The following RAPGEF5 variants were observed in gnomAD, a reference collection of about 807,000 sequenced individuals.
RAPGEF5 encodes Rap guanine nucleotide exchange factor 5, also known as M-Ras-regulated GEF.
A neutral mutation model predicts 125.2 loss-of-function variants in RAPGEF5; 65 were observed. The ratio of observed to expected loss-of-function variants is 0.52; its 90% CI spans 0.43 to 0.64. The LOEUF is 0.64. Among genes scored for constraint, RAPGEF5 ranks in the 30% least tolerant of loss-of-function variants. The pLI, the probability that RAPGEF5 is intolerant of heterozygous loss-of-function variation, is 0.00. For synonymous variants in RAPGEF5, 391 were observed against 385.9 expected (o/e 1.01, Z -0.16); for missense variants, 958 against 1,048.1 (o/e 0.91, Z 1.19).
chr7:22,219,939 A>G lies in RAPGEF5; in HGVS notation c.923T>C (p.Leu308Pro), dbSNP rs756393171. 6.2e-7 allele frequency: 1 copy of G among 1,613,634 alleles called. No individual in the cohort carries two copies. The highest frequency in any genetic ancestry group is 2.2e-5 in the East Asian group (1 of 44,838). ...QERDEIGRIELVQKLAKENYQ... is the reference protein window; with the variant it reads ...QERDEIGRIEPVQKLAKENYQ... ...GTTTTCTTTTGCCAGCTTCTGGACT[A>G]GTTCAATTCGTCCGATTTCATCTCT... The change falls in exon 9 of 26, where the codon CTA (leucine) becomes CCA (proline). Residue 308 changes from leucine (L) to proline (P), a missense_variant. Coordinates refer to ENST00000665637, the MANE Select transcript of RAPGEF5 (RefSeq NM_012294.5).
At chr7:22,355,868 A>G in intron 1 of RAPGEF5, 1 of 800,838 alleles carries the variant, frequency 1.2e-6, no homozygotes, top group Non-Finnish European at 1.5e-6. Context: ...TAAGTCAGAC[A>G]AGACTGCATT....
At chr7:22,194,292 T>C (rs1785094851) in intron 9 of RAPGEF5, among the ~76,000 whole-genome samples, 1 of 152,020 alleles carries the variant, frequency 6.6e-6, no homozygotes, top group Admixed American at 6.6e-5. Context: ...AAAGTGGAGG[T>C]GGAATTCAGA....
intron 1 of RAPGEF5, among the ~76,000 whole-genome samples, chr7:22,354,923 C>G (rs1239046575): frequency 6.6e-6 from 1 of 152,236 alleles, no homozygotes; most frequent in Non-Finnish European, 1.5e-5. Flanking sequence ...CTGCCTAAGA[C>G]AAGTTCATAT....
chr7:22,123,199 A>G (rs1254220458), intron 25 of RAPGEF5, among the ~76,000 whole-genome samples: 4 of 152,184 alleles, frequency 2.6e-5, no homozygotes, highest in Non-Finnish European at 5.9e-5. Context: ...TCACATATCT[A>G]GGGCAGTCAA....
At chr7:22,256,387 C>T (rs1293080896) in intron 7 of RAPGEF5, among the ~76,000 whole-genome samples, 4 of 152,070 alleles carry the variant, frequency 2.6e-5, no homozygotes, top group African/African-American at 9.7e-5. Context: ...AAAGTGAAAA[C>T]ATTGTTAGAA....
At chr7:22,193,307 G>C (rs1785053489) in intron 11 of RAPGEF5, 60 bp downstream of exon 11, 1 of 1,511,768 alleles carries the variant, frequency 6.6e-7, no homozygotes, top group Non-Finnish European at 8.9e-7. Context: ...TGCCCCTGAG[G>C]GTACTGACAA....
chr7:22,276,130 T>TTTTAA (rs1272729594), intron 6 of RAPGEF5, among the ~76,000 whole-genome samples: 12 of 152,236 alleles, frequency 7.9e-5, no homozygotes, highest in Non-Finnish European at 1.3e-4. Context: ...ATATTAGACA[T>TTTTAA]TTTAATTTTT....
At chr7:22,215,981 T>A (rs1785628405) in intron 9 of RAPGEF5, among the ~76,000 whole-genome samples, 2 of 152,320 alleles carry the variant, frequency 1.3e-5, no homozygotes, top group South Asian at 4.1e-4. Flanking sequence ...ACAACATTCT[T>A]ATGTCTGCCA....
In RAPGEF5 at chr7:22,125,631, G is replaced by A. The variant is rs771045363; in HGVS notation, c.2509C>T (p.Leu837=). 6.2e-7 allele frequency: 1 copy of A among 1,612,590 alleles called. No homozygotes were observed. The highest frequency in any genetic ancestry group is 1.7e-4 in the Middle Eastern group (1 of 6,056). The change falls in exon 25 of 26, where the codon CTG becomes TTG. Residue 837 remains leucine, a synonymous_variant. Coordinates refer to ENST00000665637, the MANE Select transcript of RAPGEF5 (RefSeq NM_012294.5). ...LHMIADTVRT[L]RHCRTNQFGD... ...AACTGGTTAGTCCTGCAGTGTCTCA[G>A]GGTTCGGACAGTGTCTGCGATCATA... is the stretch of plus-strand genomic sequence containing the variant.
chr7:22,224,151 T>A (rs1785857616), intron 8 of RAPGEF5, among the ~76,000 whole-genome samples: 1 of 152,200 alleles, frequency 6.6e-6, no homozygotes, highest in Non-Finnish European at 1.5e-5. Flanking sequence ...GCCCACTTGA[T>A]TTTTATTTTT....
chr7:22,127,040 C>CT (rs11460551), intron 24 of RAPGEF5, among the ~76,000 whole-genome samples: 97,434 of 132,810 alleles, frequency 0.73, 36,094 homozygotes, highest in East Asian at 0.93. Context: ...CAAAAGTCTT[C>CT]TTTTTTTTTT....
chr7:22,229,565 A>G (rs1474997284), intron 8 of RAPGEF5, among the ~76,000 whole-genome samples: 2 of 152,238 alleles, frequency 1.3e-5, no homozygotes, highest in Non-Finnish European at 2.9e-5. Flanking sequence ...GTACATACCA[A>G]TGAGCATACA....
At chr7:22,222,105 G>A (rs993154467) in intron 8 of RAPGEF5, among the ~76,000 whole-genome samples, 41 of 152,054 alleles carry the variant, frequency 2.7e-4, no homozygotes, top group Admixed American at 3.3e-4. Context: ...AAAATTAGCC[G>A]GGCGTGGTGG....
chr7:22,272,388 C>T (rs1355221915), intron 6 of RAPGEF5, among the ~76,000 whole-genome samples: 2 of 139,382 alleles, frequency 1.4e-5, no homozygotes, highest in Admixed American at 7.1e-5. Context: ...AAAAAAAAAT[C>T]AAGGAAACTC....
intron 11 of RAPGEF5, among the ~76,000 whole-genome samples, chr7:22,183,302 T>C (rs1784732757): frequency 6.6e-6 from 1 of 150,544 alleles, no homozygotes; most frequent in African/African-American, 2.4e-5. Flanking sequence ...AAAAGATTTT[T>C]ATATTTGAAA....
intron 18 of RAPGEF5, among the ~76,000 whole-genome samples, chr7:22,149,985 G>A (rs1182863511): frequency 1.3e-5 from 2 of 150,178 alleles, no homozygotes; most frequent in East Asian, 2.0e-4. Flanking sequence ...CTTGGGAATT[G>A]TATCATTGGA....
chr7:22,154,662 T>C, intron 16 of RAPGEF5, 58 bp from the exon 17 acceptor site: 5 of 1,560,194 alleles, frequency 3.2e-6, no homozygotes, highest in Admixed American at 1.9e-5. Context: ...AGGTATAGAC[T>C]TTTCCAAATC....
intron 24 of RAPGEF5, among the ~76,000 whole-genome samples, chr7:22,130,155 G>C (rs1782870416): frequency 6.6e-6 from 1 of 152,144 alleles, no homozygotes. Flanking sequence ...TGTGGAGCAG[G>C]GTTACTGGTA....
At chr7:22,174,123 T>C (rs1311966728) in intron 11 of RAPGEF5, among the ~76,000 whole-genome samples, 1 of 152,138 alleles carries the variant, frequency 6.6e-6, no homozygotes, top group Non-Finnish European at 1.5e-5. Flanking sequence ...GCAGAGAGCC[T>C]GGTATACCCT....
Sources: gnomAD v4.1 joint callset for allele counts (sites outside exome capture counted in the v4.1 genomes callset) on GRCh38, gnomAD v4.1.1 for gene constraint, MANE v1.5 for transcripts, NCBI Gene and HGNC (gene_info 2026-07-23, HGNC 2026-07-21) for gene names.